The following PLCB1 variants were observed in gnomAD, a reference collection of about 807,000 sequenced individuals.
The protein encoded by PLCB1 is phospholipase C beta 1.
A neutral mutation model predicts 161.8 loss-of-function variants in PLCB1; 46 were observed. The ratio of observed to expected loss-of-function variants is 0.28; its 90% CI spans 0.22 to 0.36. The LOEUF is 0.36. Ranked by LOEUF, PLCB1 falls within the 10% of genes least tolerant of loss-of-function variation. The pLI, the probability that PLCB1 is intolerant of heterozygous loss-of-function variation, is 1.00. For missense variants in PLCB1, 1,016 were observed against 1,472.5 expected, an observed-to-expected ratio of 0.69 and a Z score of 5.07; for synonymous variants, 517 against 503.7, an observed-to-expected ratio of 1.03 and a Z score of -0.35.
At chr20:8,487,835 T>C (rs550177957) in intron 3 of PLCB1, among the ~76,000 whole-genome samples, 16 of 152,292 alleles carry the variant, frequency 1.1e-4, no homozygotes, top group African/African-American at 3.4e-4. Context: ...CTTATCCATA[T>C]CCTTTTTACC....
chr20:8,720,625 A>G lies in PLCB1; in HGVS notation c.1514-1729A>G, dbSNP rs538881195. Among the ~76,000 whole-genome samples, 3 of 151,888 alleles carry G rather than the reference A, an allele frequency of 2.0e-5. No individual in the cohort carries two copies. The South Asian group carries it at 6.2e-4, about 31-fold the overall frequency. ...TAACCTAAGATATTTTTTATAGTTC[A>G]ACAAGATTCCCCCAACATCCCTCCA... On this transcript the variant is annotated intron_variant, in intron 14 of 31. Transcript: ENST00000338037.
intron 2 of PLCB1, among the ~76,000 whole-genome samples, chr20:8,356,185 A>C (rs1022973198): frequency 1.3e-5 from 2 of 152,194 alleles, no homozygotes; most frequent in Admixed American, 6.5e-5. Context: ...TGAGTGCTTT[A>C]AAGTAAACTT....
chr20:8,411,188 G>T (rs1979027848), intron 3 of PLCB1, among the ~76,000 whole-genome samples: 1 of 152,162 alleles, frequency 6.6e-6, no homozygotes, highest in Non-Finnish European at 1.5e-5. Flanking sequence ...GTCCACACTG[G>T]ATGTACTGTA....
chr20:8,189,041 A>G (rs1198319237), intron 2 of PLCB1, among the ~76,000 whole-genome samples: 3 of 152,056 alleles, frequency 2.0e-5, no homozygotes, highest in African/African-American at 7.2e-5. Context: ...AATGTTGCCT[A>G]TCCTGCTCCT....
chr20:8,636,928 C>T (rs898894930), intron 4 of PLCB1, among the ~76,000 whole-genome samples: 7 of 151,980 alleles, frequency 4.6e-5, no homozygotes, highest in Admixed American at 3.3e-4. Flanking sequence ...ACAAGCTACT[C>T]TTCTGCATAC....
At chr20:8,623,944 A>G (rs1988257437) in intron 3 of PLCB1, 1 of 152,216 alleles carries the variant, frequency 6.6e-6, no homozygotes, top group Non-Finnish European at 1.5e-5. Context: ...GCATTGATTC[A>G]AGGGGAATTT....
intron 3 of PLCB1, among the ~76,000 whole-genome samples, chr20:8,618,690 G>A (rs546841919): frequency 1.3e-5 from 2 of 152,074 alleles, no homozygotes; most frequent in South Asian, 4.2e-4. Flanking sequence ...TCAATAGTAA[G>A]GCATTTTAGA....
chr20:8,370,113 T>C (rs1335642088), intron 2 of PLCB1, among the ~76,000 whole-genome samples: 1 of 152,300 alleles, frequency 6.6e-6, no homozygotes, highest in East Asian at 1.9e-4. Flanking sequence ...GGGGATTCGA[T>C]GCTCCATCCA....
At chr20:8,866,919 G>C (rs1362655607) in intron 31 of PLCB1, among the ~76,000 whole-genome samples, 1 of 151,836 alleles carries the variant, frequency 6.6e-6, no homozygotes, top group Non-Finnish European at 1.5e-5. Context: ...TTAGAAGGAG[G>C]GACTATGTAA....
At chr20:8,384,084 G>A (rs1600362246) in intron 3 of PLCB1, among the ~76,000 whole-genome samples, 1 of 152,092 alleles carries the variant, frequency 6.6e-6, no homozygotes, top group African/African-American at 2.4e-5. Context: ...CTAGGTTGGG[G>A]AAGTTCTCCT....
chr20:8,820,955 G>T (rs906262849), intron 31 of PLCB1, among the ~76,000 whole-genome samples: 3 of 151,920 alleles, frequency 2.0e-5, no homozygotes, highest in African/African-American at 7.3e-5. Flanking sequence ...ATACAAATAT[G>T]ATACCAATCA....
At chr20:8,604,778 G>T (rs942264215) in intron 3 of PLCB1, among the ~76,000 whole-genome samples, 2 of 152,050 alleles carry the variant, frequency 1.3e-5, no homozygotes, top group Admixed American at 1.3e-4. Flanking sequence ...TGTATGAATA[G>T]AATTTTATTT....
chr20:8,662,280 A>C (rs867580121), intron 9 of PLCB1, among the ~76,000 whole-genome samples: 111 of 123,116 alleles, frequency 9.0e-4, no homozygotes, highest in South Asian at 4.1e-3. Context: ...TTTATTATAT[A>C]ATTATGTATA....
intron 16 of PLCB1, among the ~76,000 whole-genome samples, chr20:8,726,496 C>T (rs1218298216): frequency 2.0e-5 from 3 of 152,028 alleles, no homozygotes; most frequent in Non-Finnish European, 4.4e-5. Context: ...GGGGAGACCT[C>T]AGGAAACAAC....
rs1320647877 is a variant in PLCB1, at chr20:8,465,666, C to T, written c.246+94216C>T. On this transcript the variant is annotated intron_variant, in intron 3 of 31. Coordinates refer to ENST00000338037, the MANE Select transcript of PLCB1 (RefSeq NM_015192.4). ...GTCTTTAGTTTGTTTTCATCCTTTT[C>T]CAGCAGAAGAGCCCTACAAAAGAAG... is the stretch of plus-strand genomic sequence containing the variant. Among the ~76,000 whole-genome samples, 3 of 152,122 alleles carry T rather than the reference C, an allele frequency of 2.0e-5. No homozygotes were observed. The East Asian group carries it at 5.8e-4, about 29-fold the overall frequency.
At position 8,832,245 on chromosome 20, in the gene PLCB1, A is replaced by G. The variant is rs368208781; in HGVS notation, c.3423+41984A>G. On this transcript the variant is annotated intron_variant, in intron 31 of 31. Coordinates refer to ENST00000338037, the MANE Select transcript of PLCB1 (RefSeq NM_015192.4). ...GCAAAAAGAAACTATTTCTGGCTAT[A>G]ATAAAATTTAGCATCTTAAAATTTA... Among the ~76,000 whole-genome samples, 32 of 152,282 alleles carry G rather than the reference A, an allele frequency of 2.1e-4. 1 individual carries two copies. The highest frequency in any genetic ancestry group is 7.5e-4 in the African/African-American group (31 of 41,562).
chr20:8,750,729 G>A, intron 23 of PLCB1: 1 of 574,964 alleles, frequency 1.7e-6, no homozygotes. Context: ...TTGTGCTCAT[G>A]TTTGAAGAAG....
intron 12 of PLCB1, 111 bp from the exon 13 acceptor site, chr20:8,716,153 G>A: frequency 1.3e-6 from 1 of 745,276 alleles, no homozygotes; most frequent in Non-Finnish European, 2.3e-6. Flanking sequence ...AATCCTGATG[G>A]GTGGGATTAG....
intron 3 of PLCB1, among the ~76,000 whole-genome samples, chr20:8,373,463 G>C (rs1986969804): frequency 6.6e-6 from 1 of 152,174 alleles, no homozygotes; most frequent in East Asian, 1.9e-4. Flanking sequence ...TAGCACAGGA[G>C]TTCTCAAATT....
Sources: allele counts gnomAD v4.1 joint callset (sites outside exome capture counted in the v4.1 genomes callset), GRCh38; gene constraint gnomAD v4.1.1; transcripts MANE v1.5; gene names NCBI Gene and HGNC (gene_info 2026-07-23, HGNC 2026-07-21).